The following PAMR1 variants were observed in gnomAD, a reference collection of about 807,000 sequenced individuals.
PAMR1 encodes inactive serine protease PAMR1.
PAMR1 carries 88 observed loss-of-function variants against 81.8 expected under a neutral mutation model. The observed-to-expected ratio is 1.08, with a 90% CI of 0.91 to 1.28. The LOEUF (loss-of-function observed/expected upper bound fraction) is 1.28. Ranked by LOEUF, PAMR1 falls within the 50% of genes most tolerant of loss-of-function variation. The pLI is 0.00. For synonymous variants in PAMR1, 336 were observed against 345.3 expected (o/e 0.97, Z 0.30); for missense variants, 935 against 919.7 (o/e 1.02, Z -0.21).
At chr11:35,499,056 C>G (rs1173053803) in intron 1 of PAMR1, among the ~76,000 whole-genome samples, 1 of 152,208 alleles carries the variant, frequency 6.6e-6, no homozygotes, top group East Asian at 1.9e-4. Flanking sequence ...GGCTGGCACA[C>G]AGAGGTGCTG....
At chr11:35,435,543 A>G (rs1306430067) in intron 9 of PAMR1, among the ~76,000 whole-genome samples, 1 of 152,128 alleles carries the variant, frequency 6.6e-6, no homozygotes, top group East Asian at 1.9e-4. Flanking sequence ...GTACCTAATT[A>G]GTATCACTGG....
At chr11:35,470,547 G>A in intron 5 of PAMR1, 54 bp downstream of exon 5, 1 of 1,309,700 alleles carries the variant, frequency 7.6e-7, no homozygotes, top group Non-Finnish European at 1.1e-6. Flanking sequence ...ATGGAAAGGA[G>A]ATATTTATCT....
At chr11:35,446,947 TG>T (rs976554099) in intron 6 of PAMR1, among the ~76,000 whole-genome samples, 6 of 152,206 alleles carry the variant, frequency 3.9e-5, no homozygotes, top group African/African-American at 1.4e-4. Flanking sequence ...AGTCTCCCAC[TG>T]TTTTTGTATG....
intron 3 of PAMR1, among the ~76,000 whole-genome samples, chr11:35,488,197 C>CTTTTTTTTTTTTTTTTTTTT (rs35884320): frequency 1.1e-5 from 1 of 88,030 alleles, no homozygotes; most frequent in Non-Finnish European, 2.2e-5. Context: ...CCTTTCCCAT[C>CTTTTTTTTTTTTTTTTTTTT]TTTTTTTTTT....
At chr11:35,480,932 C>G (rs1291469048) in intron 3 of PAMR1, among the ~76,000 whole-genome samples, 2 of 152,294 alleles carry the variant, frequency 1.3e-5, no homozygotes, top group Middle Eastern at 3.4e-3. Flanking sequence ...TCAGCTCCCA[C>G]TTATGAGTGA....
At chr11:35,451,840 G>A in intron 6 of PAMR1, 1 of 678,968 alleles carries the variant, frequency 1.5e-6, no homozygotes, top group Non-Finnish European at 2.7e-6. Flanking sequence ...CCCTCCTTCT[G>A]CCACATGAGG....
rs534837915 is a variant in PAMR1, at chr11:35,484,442, C to T, written c.379+7603G>A. Among the ~76,000 whole-genome samples, 3 of 152,322 alleles carry T rather than the reference C, an allele frequency of 2.0e-5. No homozygotes were observed. The South Asian group carries it at 6.2e-4, about 32-fold the overall frequency. On this transcript the variant is annotated intron_variant, in intron 3 of 10. Transcript: ENST00000619888. ...CAGCTTTCAGTAACTCCACCCTAGG[C>T]GATTCCGCAGCTCCCCTGGAGGGCA...
In PAMR1 at chr11:35,518,978, C is replaced by T. The variant is rs116523364; in HGVS notation, c.73+6535G>A. 5.2e-3 allele frequency among the ~76,000 whole-genome samples: 793 copies of T among 152,278 alleles called. 11 individuals carry two copies. Among genetic ancestry groups the T allele is most frequent in the African/African-American group, 0.018 (746 of 41,560 alleles). On this transcript the variant is annotated intron_variant, in intron 1 of 10. Coordinates refer to ENST00000619888, the MANE Select transcript of PAMR1 (RefSeq NM_001001991.3). Reference sequence around the variant, plus strand: ...ATCAAGTCAACTGACCAGACTTCTACTTACAGAGATGCTTGCTGCCAAACC... The same window carrying T: ...ATCAAGTCAACTGACCAGACTTCTATTTACAGAGATGCTTGCTGCCAAACC...
At chr11:35,520,386 T>C (rs1851249223) in intron 1 of PAMR1, among the ~76,000 whole-genome samples, 1 of 152,102 alleles carries the variant, frequency 6.6e-6, no homozygotes, top group Non-Finnish European at 1.5e-5. Flanking sequence ...TTTACAGGTA[T>C]GAGATCTGGT....
In PAMR1 at chr11:35,432,095, T is replaced by G; in HGVS notation, c.*261A>C. 2.1e-6 allele frequency: 1 copy of G among 475,572 alleles called. No individual in the cohort carries two copies. The highest frequency in any genetic ancestry group is 3.7e-5 in the East Asian group (1 of 26,950). The allele number at this position is 475,572 out of a possible 1,614,324, so 29.5% of individuals were successfully genotyped here. ...CCAGGTCAGTGGAGTGGAGAGGTTT[T>G]GTATATGGTCTTCTTTGAAGAAACT... On this transcript the variant is annotated 3_prime_UTR_variant, in exon 11 of 11. Coordinates refer to ENST00000619888, the MANE Select transcript of PAMR1 (RefSeq NM_001001991.3).
intron 6 of PAMR1, chr11:35,453,535 C>T (rs1156448138): frequency 6.6e-6 from 1 of 152,214 alleles, no homozygotes; most frequent in East Asian, 1.9e-4. Flanking sequence ...TCCTATGATG[C>T]TTTTTATGTG....
At chr11:35,441,777 C>T in intron 6 of PAMR1, 84 bp from the exon 7 acceptor site, 1 of 892,200 alleles carries the variant, frequency 1.1e-6, no homozygotes. Context: ...TTTCATTGAA[C>T]TAAAAATACA....
At chr11:35,516,540 G>C (rs591707) in intron 1 of PAMR1, among the ~76,000 whole-genome samples, 46,411 of 152,102 alleles carry the variant, frequency 0.31, 8,396 homozygotes, top group African/African-American at 0.5. Flanking sequence ...TCCGGGCAGA[G>C]AGAGAAGGCA....
At chr11:35,497,664 T>C (rs1035565811) in intron 1 of PAMR1, among the ~76,000 whole-genome samples, 4 of 152,316 alleles carry the variant, frequency 2.6e-5, no homozygotes, top group African/African-American at 9.6e-5. Context: ...TATCTTCCTA[T>C]AGGTAAAATG....
At position 35,441,677 on chromosome 11, in the gene PAMR1, G is replaced by C. The variant is rs188272517; in HGVS notation, c.837C>G (p.Asn279Lys). ...TGACTGGGCCCCCAGGGTCTGAGCA[G>C]TTTCTTTCTTCAAGGACTAAAAGAA... ...QRCENLLEERNCSDPGGPVNG... is the reference protein window; with the variant it reads ...QRCENLLEERKCSDPGGPVNG... Residue 279 changes from asparagine (N) to lysine (K), a missense_variant, in exon 7 of 11, where the codon AAC becomes AAG. Asn to Lys is a moderately conservative substitution (Grantham distance 94). Coordinates refer to ENST00000619888, the MANE Select transcript of PAMR1 (RefSeq NM_001001991.3). 13 of 1,608,796 alleles carry C rather than the reference G, an allele frequency of 8.1e-6. No individual in the cohort carries two copies. The highest frequency in any genetic ancestry group is 1.7e-5 in the Admixed American group (1 of 59,070).
intron 6 of PAMR1, among the ~76,000 whole-genome samples, chr11:35,447,480 G>A (rs138428685): frequency 6.6e-6 from 1 of 152,208 alleles, no homozygotes; most frequent in East Asian, 1.9e-4. Context: ...TGGGGTTACA[G>A]GCGTGAGCCA....
chr11:35,468,663 C>T (rs1856799161), intron 5 of PAMR1, among the ~76,000 whole-genome samples: 2 of 152,118 alleles, frequency 1.3e-5, no homozygotes, highest in South Asian at 2.1e-4. Context: ...TGCTGACATT[C>T]AATGCTAATT....
rs546523272 is a variant in PAMR1, at chr11:35,468,204, G to C, written c.713-96C>G. The C allele has an allele frequency of 1.3e-5, 9 of 673,776 alleles. No individual in the cohort carries two copies. The South Asian group carries it at 1.4e-4, about 11-fold the overall frequency. 41.7% of individuals were successfully genotyped at this position (673,776 alleles called of 1,614,324 possible). The stretch of plus-strand genomic sequence containing the variant: ...CAAAGTCTTTTAATTCCTTATTAAA[G>C]TCTTCTTGCAATGTTTTTTCTTCCC... On this transcript the variant is annotated intron_variant, in intron 5 of 10. Transcript: ENST00000619888.
intron 6 of PAMR1, among the ~76,000 whole-genome samples, chr11:35,455,198 A>G (rs1438860488): frequency 1.3e-5 from 2 of 152,260 alleles, no homozygotes; most frequent in African/African-American, 2.4e-5. Context: ...GGAAGTGGAC[A>G]TGATGATAGT....
Sources: allele counts gnomAD v4.1 joint callset (sites outside exome capture counted in the v4.1 genomes callset), GRCh38; gene constraint gnomAD v4.1.1; transcripts MANE v1.5; gene names NCBI Gene and HGNC (gene_info 2026-07-23, HGNC 2026-07-21).